DERA: variants seen among roughly 807,000 people sequenced by gnomAD.
The protein encoded by DERA is 2-deoxy-D-ribose 5-phosphate aldolase.
DERA carries 15 observed loss-of-function variants against 41.1 expected under a neutral mutation model. That is an observed-to-expected ratio of 0.37 (90% CI 0.24 to 0.56). The LOEUF is 0.56. Among genes scored for constraint, DERA ranks in the 20% least tolerant of loss-of-function variants. DERA has a pLI of 0.81. For missense variants in DERA, 396 were observed against 403.4 expected (o/e 0.98, Z 0.16); for synonymous variants, 139 against 137.4 (o/e 1.01, Z -0.08).
At chr12:16,018,702 T>A (rs1018714420) in intron 6 of DERA, among the ~76,000 whole-genome samples, 2 of 152,142 alleles carry the variant, frequency 1.3e-5, no homozygotes, top group Non-Finnish European at 2.9e-5. Flanking sequence ...AGACTTGTAA[T>A]TATAGTCCTT....
chr12:15,992,199 A>G lies in DERA; in HGVS notation c.637+9763A>G, dbSNP rs532813543. On this transcript the variant is annotated intron_variant, in intron 6 of 8. Coordinates refer to ENST00000428559, the MANE Select transcript of DERA (RefSeq NM_015954.4). This position sits in a 1 kb window ranked among gnomAD's most constrained non-coding sequence, Gnocchi z 4.3. ...TAAGAATATATTTCCATATACACCAATGAATGAGTGAAAGAGAGAAAAAAG... is the reference window on the plus strand; with the variant it reads ...TAAGAATATATTTCCATATACACCAGTGAATGAGTGAAAGAGAGAAAAAAG... Among the ~76,000 whole-genome samples the G allele has an allele frequency of 1.1e-4, 17 of 152,102 alleles. No individual in the cohort carries two copies. The highest frequency in any genetic ancestry group is 2.1e-4 in the Non-Finnish European group (14 of 67,978).
In DERA at chr12:15,988,073, C is replaced by T. The variant is rs1948777251; in HGVS notation, c.637+5637C>T. On this transcript the variant is annotated intron_variant, in intron 6 of 8. Transcript: ENST00000428559. This position sits in a 1 kb window ranked among gnomAD's most constrained non-coding sequence, Gnocchi z 6.0. The stretch of plus-strand genomic sequence containing the variant: ...CACCAGCATCTGGACAAGGGGAACA[C>T]ATGGTGCCCAAAAACTTGGAGACAC... 6.6e-6 allele frequency among the ~76,000 whole-genome samples: 1 copy of T among 152,154 alleles called. No homozygotes were observed. Among genetic ancestry groups the T allele is most frequent in the Non-Finnish European group, 1.5e-5 (1 of 68,028 alleles).
rs940667326 is a variant in DERA, at chr12:15,913,301, A to G, written c.31+1887A>G. Among the ~76,000 whole-genome samples the G allele has an allele frequency of 5.3e-5, 8 of 152,186 alleles. No homozygotes were observed. The highest frequency in any genetic ancestry group is 1.9e-4 in the African/African-American group (8 of 41,444). On this transcript the variant is annotated intron_variant, in intron 1 of 8. Transcript: ENST00000428559. This position sits in a 1 kb window ranked among gnomAD's most constrained non-coding sequence, Gnocchi z 4.5. Reference sequence around the variant, plus strand: ...ATCATAGCTTTGTATTTATTATCTTATTTGTTAAAATCAGATTTTTTTCCT... The same window carrying G: ...ATCATAGCTTTGTATTTATTATCTTGTTTGTTAAAATCAGATTTTTTTCCT...
rs879510254 is a variant in DERA, at chr12:15,967,188, T to TAA, written c.508+4253_508+4254dup. On this transcript the variant is annotated intron_variant, in intron 5 of 8. Transcript: ENST00000428559. This position sits in a 1 kb window ranked among gnomAD's most constrained non-coding sequence, Gnocchi z 4.9. ...AACATGGCAAAACCCCATCTCTGCA[T>TAA]AAAAAAAAAAAAATGCAAAAATTAG... Among the ~76,000 whole-genome samples the TAA allele has an allele frequency of 2.1e-5, 3 of 142,016 alleles. No homozygotes were observed. The highest frequency in any genetic ancestry group is 7.1e-5 in the Admixed American group (1 of 14,170). The allele number at this position is 142,016 out of a possible 152,430, so 93.2% of individuals were successfully genotyped here.
chr12:16,013,519 G>A lies in DERA; in HGVS notation c.638-19023G>A, dbSNP rs549469492. Among the ~76,000 whole-genome samples, 2 of 152,314 alleles carry A rather than the reference G, an allele frequency of 1.3e-5. No individual in the cohort carries two copies. The highest frequency in any genetic ancestry group is 3.9e-4 in the East Asian group (2 of 5,190). On this transcript the variant is annotated intron_variant, in intron 6 of 8. Coordinates refer to ENST00000428559, the MANE Select transcript of DERA (RefSeq NM_015954.4). This position sits in a 1 kb window ranked among gnomAD's most constrained non-coding sequence, Gnocchi z 5.8. The stretch of plus-strand genomic sequence containing the variant: ...TACCCCTTCACCTTCTGCCATGATT[G>A]TAAGTTTCCTGAGGCCTCCCCAGCC...
At chr12:15,969,650 C>T (rs1425212888) in intron 5 of DERA, among the ~76,000 whole-genome samples, 1 of 152,186 alleles carries the variant, frequency 6.6e-6, no homozygotes, top group Non-Finnish European at 1.5e-5. Flanking sequence ...AATGAAATAT[C>T]AGCACCAAAG....
Position 15,957,503 on chromosome 12 carries a change from G to A in DERA, c.129+470G>A, listed in dbSNP as rs963967422. ...TTCAAAATTCCAAAAATGATGTTTC[G>A]TAGAGTACTTGCGGTCAGCATTTTC... On this transcript the variant is annotated intron_variant, in intron 2 of 8. Transcript: ENST00000428559. This position sits in a 1 kb window ranked among gnomAD's most constrained non-coding sequence, Gnocchi z 4.8. Among the ~76,000 whole-genome samples, 7 of 152,024 alleles carry A rather than the reference G, an allele frequency of 4.6e-5. No individual in the cohort carries two copies. Among genetic ancestry groups the A allele is most frequent in the Non-Finnish European group, 1.0e-4 (7 of 68,018 alleles).
In DERA at chr12:16,027,000, C is replaced by A. The variant is rs1465621490; in HGVS notation, c.638-5542C>A. On this transcript the variant is annotated intron_variant, in intron 6 of 8. Coordinates refer to ENST00000428559, the MANE Select transcript of DERA (RefSeq NM_015954.4). This position sits in a 1 kb window ranked among gnomAD's most constrained non-coding sequence, Gnocchi z 4.4. The stretch of plus-strand genomic sequence containing the variant: ...TTATTCCAGGTATGCAAGTCTGGTT[C>A]AACATAATGTAATCCATATCAGTAA... Among the ~76,000 whole-genome samples the A allele has an allele frequency of 1.3e-5, 2 of 152,132 alleles. No individual in the cohort carries two copies. The highest frequency in any genetic ancestry group is 4.8e-5 in the African/African-American group (2 of 41,428).
At chr12:15,937,644 T>A (rs1948378528) in intron 1 of DERA, among the ~76,000 whole-genome samples, 1 of 152,152 alleles carries the variant, frequency 6.6e-6, no homozygotes, top group South Asian at 2.1e-4. Flanking sequence ...CTTATGTTGT[T>A]AAATTACATG....
At chr12:15,968,661 G>A (rs1236285352) in intron 5 of DERA, among the ~76,000 whole-genome samples, 2 of 152,234 alleles carry the variant, frequency 1.3e-5, no homozygotes, top group African/African-American at 2.4e-5. Context: ...TGTGCTTTCT[G>A]TTCCTTCTAT....
At position 16,036,516 on chromosome 12, in the gene DERA, C is replaced by A; in HGVS notation, c.900+135C>A. The A allele has an allele frequency of 1.7e-6, 2 of 1,167,924 alleles. No individual in the cohort carries two copies. Among genetic ancestry groups the A allele is most frequent in the Non-Finnish European group, 2.4e-6 (2 of 838,770 alleles). The allele number at this position is 1,167,924 out of a possible 1,614,324, so 72.3% of individuals were successfully genotyped here. A position where few individuals can be genotyped will look rare whatever the true frequency, so the allele number is the denominator to read the frequency against. ...CTACCCAATCCTCTACCTTTTCTTC[C>A]AAGCAAACCGCCATCAGAAGTGAGT... On this transcript the variant is annotated intron_variant, in intron 8 of 8. Transcript: ENST00000428559. This position sits in a 1 kb window ranked among gnomAD's most constrained non-coding sequence, Gnocchi z 4.9.
At chr12:16,025,575 A>G (rs1949048001) in intron 6 of DERA, among the ~76,000 whole-genome samples, 1 of 152,130 alleles carries the variant, frequency 6.6e-6, no homozygotes, top group Non-Finnish European at 1.5e-5. Flanking sequence ...TAGAACTGAA[A>G]AAAAGAAATA....
intron 1 of DERA, among the ~76,000 whole-genome samples, chr12:15,926,463 G>C (rs1347031394): frequency 1.3e-5 from 2 of 152,116 alleles, no homozygotes; most frequent in African/African-American, 4.8e-5. Flanking sequence ...TTGGCCGGGC[G>C]CGGTGGCTCA....
chr12:16,034,298 G>A (rs1949112557), intron 7 of DERA, among the ~76,000 whole-genome samples: 1 of 152,200 alleles, frequency 6.6e-6, no homozygotes, highest in African/African-American at 2.4e-5. Flanking sequence ...AAATGAGTAT[G>A]TTCCTTCTCA....
At chr12:16,023,532 C>CAGT (rs1399702219) in intron 6 of DERA, among the ~76,000 whole-genome samples, 1 of 134,864 alleles carries the variant, frequency 7.4e-6, no homozygotes, top group African/African-American at 3.0e-5. Flanking sequence ...GGCTGGAGTG[C>CAGT]AGTGGCGGGA....
At chr12:15,987,655 T>A (rs1345306338) in intron 6 of DERA, among the ~76,000 whole-genome samples, 3 of 152,182 alleles carry the variant, frequency 2.0e-5, no homozygotes, top group Admixed American at 6.5e-5. Context: ...AGGTCCTGTT[T>A]GTTTTATTTT....
At chr12:15,961,530 A>C (rs1217234872) in intron 4 of DERA, among the ~76,000 whole-genome samples, 2 of 152,158 alleles carry the variant, frequency 1.3e-5, no homozygotes, top group African/African-American at 4.8e-5. Flanking sequence ...TAAAAATTTA[A>C]AAGGAGTTTA....
chr12:16,017,227 A>G lies in DERA; in HGVS notation c.638-15315A>G, dbSNP rs192802702. Among the ~76,000 whole-genome samples the G allele has an allele frequency of 9.2e-5, 14 of 152,252 alleles. No homozygotes were observed. The East Asian group carries it at 2.3e-3, about 25-fold the overall frequency. On this transcript the variant is annotated intron_variant, in intron 6 of 8. Transcript: ENST00000428559. This position sits in a 1 kb window ranked among gnomAD's most constrained non-coding sequence, Gnocchi z 5.5. ...TTTGGGGCATTGGAGATATTTTCCA[A>G]CCCTAAAATTGTGATTTCTTTCTGA...
chr12:15,994,646 G>C lies in DERA; in HGVS notation c.637+12210G>C, dbSNP rs1592040547. Among the ~76,000 whole-genome samples, 2 of 152,080 alleles carry C rather than the reference G, an allele frequency of 1.3e-5. No homozygotes were observed. The highest frequency in any genetic ancestry group is 4.1e-4 in the South Asian group (2 of 4,830). On this transcript the variant is annotated intron_variant, in intron 6 of 8. Coordinates refer to ENST00000428559, the MANE Select transcript of DERA (RefSeq NM_015954.4). The surrounding 1 kb of genome is among the most constrained non-coding windows in gnomAD (Gnocchi z 4.8). ...TTTTTTGTATTTTTAGTAGAGACGG[G>C]GTTTCACCATGTTAGCCAGCATGGT...
Sources: gnomAD v4.1 joint callset for allele counts (sites outside exome capture counted in the v4.1 genomes callset) on GRCh38, gnomAD v4.1.1 for gene constraint, Gnocchi (gnomAD v3.1) non-coding constraint, MANE v1.5 for transcripts, NCBI Gene and HGNC (gene_info 2026-07-23, HGNC 2026-07-21) for gene names.